Variants in KIAA1958 observed in about 807,000 individuals in gnomAD.
The protein encoded by KIAA1958 is uncharacterized protein KIAA1958.
A neutral mutation model predicts 47.2 loss-of-function variants in KIAA1958; 14 were observed. The ratio of observed to expected loss-of-function variants is 0.30; its 90% CI spans 0.20 to 0.46. The LOEUF is 0.46. Ranked by LOEUF, KIAA1958 falls within the 20% of genes least tolerant of loss-of-function variation. KIAA1958 has a pLI of 1.00. For synonymous variants in KIAA1958, 354 were observed against 353.3 expected (o/e 1.00, Z -0.02); for missense variants, 803 against 909.2 (o/e 0.88, Z 1.50).
intron 1 of KIAA1958, among the ~76,000 whole-genome samples, chr9:112,496,251 CT>C (rs1587988043): frequency 6.6e-6 from 1 of 152,166 alleles, no homozygotes; most frequent in African/African-American, 2.4e-5. Context: ...GATAAACAGT[CT>C]ACAGCTGCAT....
intron 1 of KIAA1958, among the ~76,000 whole-genome samples, chr9:112,547,900 A>G (rs997872785): frequency 5.3e-5 from 8 of 152,030 alleles, no homozygotes; most frequent in Non-Finnish European, 1.0e-4. Flanking sequence ...CTTGGGCTTC[A>G]GGACCTCTTA....
At chr9:112,600,349 C>T (rs1252962767) in intron 2 of KIAA1958, among the ~76,000 whole-genome samples, 1 of 152,158 alleles carries the variant, frequency 6.6e-6, no homozygotes, top group Non-Finnish European at 1.5e-5. Flanking sequence ...CAGGGCTGTC[C>T]TCAGGCTTGT....
At chr9:112,569,870 C>T (rs1254077288) in intron 1 of KIAA1958, among the ~76,000 whole-genome samples, 3 of 152,148 alleles carry the variant, frequency 2.0e-5, no homozygotes, top group African/African-American at 4.8e-5. Context: ...GTGATCCACC[C>T]ACTTCGGCTC....
At chr9:112,581,278 C>A (rs1835729572) in intron 2 of KIAA1958, among the ~76,000 whole-genome samples, 1 of 152,138 alleles carries the variant, frequency 6.6e-6, no homozygotes, top group South Asian at 2.1e-4. Context: ...GAGTACCTGA[C>A]ATATGATAAA....
chr9:112,642,631 G>A (rs1836910986), intron 2 of KIAA1958, among the ~76,000 whole-genome samples: 1 of 152,114 alleles, frequency 6.6e-6, no homozygotes, highest in African/African-American at 2.4e-5. Context: ...CTTAAGCTCG[G>A]GGTTTGTCCT....
At chr9:112,637,107 C>T (rs1836816542) in intron 2 of KIAA1958, among the ~76,000 whole-genome samples, 1 of 152,144 alleles carries the variant, frequency 6.6e-6, no homozygotes, top group South Asian at 2.1e-4. Context: ...CTTTTCAAAA[C>T]TAGCTTCAGT....
chr9:112,491,005 T>C (rs1453252035), intron 1 of KIAA1958, among the ~76,000 whole-genome samples: 1 of 152,250 alleles, frequency 6.6e-6, no homozygotes. Flanking sequence ...TCGCACTCTG[T>C]CACCCACGCT....
Position 112,579,207 on chromosome 9 carries a change from T to C in KIAA1958, c.1171+3956T>C, listed in dbSNP as rs577484509. Among the ~76,000 whole-genome samples, 9 of 152,236 alleles carry C rather than the reference T, an allele frequency of 5.9e-5. No homozygotes were observed. In the South Asian group the frequency reaches 1.9e-3, roughly 32 times the overall value. ...TACCATTAGCTTTTAATTTTGTTGATGACCTTTTTTAAGGTGTGAATTTTC... is the reference window on the plus strand; with the variant it reads ...TACCATTAGCTTTTAATTTTGTTGACGACCTTTTTTAAGGTGTGAATTTTC... On this transcript the variant is annotated intron_variant, in intron 2 of 3. Transcript: ENST00000337530.
rs10981437 is a variant in KIAA1958, at chr9:112,545,827, T to G, written c.-24-28230T>G. Among the ~76,000 whole-genome samples, 17 of 2,084 alleles carry G rather than the reference T, an allele frequency of 8.2e-3. 1 individual carries two copies. Among genetic ancestry groups the G allele is most frequent in the Admixed American group, 0.014 (5 of 350 alleles). The allele number at this position is 2,084 out of a possible 152,430, so 1.4% of individuals were successfully genotyped here. ...TTTAGTGATACACAGGTTTCTTTGT[T>G]TTTTTTTTTTTTTTTTTTTAGTGAA... On this transcript the variant is annotated intron_variant, in intron 1 of 3. Coordinates refer to ENST00000337530, the MANE Select transcript of KIAA1958 (RefSeq NM_133465.4).
rs1190283020 is a variant in KIAA1958, at chr9:112,618,645, C to T, written c.1172-27005C>T. On this transcript the variant is annotated intron_variant, in intron 2 of 3. Transcript: ENST00000337530. This position sits in a 1 kb window ranked among gnomAD's most constrained non-coding sequence, Gnocchi z 7.1. ...TCCATCAAGCCAGTCGTGAACCTGGCGGCTCTGCATTGGTACAACTGCCAG... is the reference window on the plus strand; with the variant it reads ...TCCATCAAGCCAGTCGTGAACCTGGTGGCTCTGCATTGGTACAACTGCCAG... 3 of 1,550,582 alleles carry T rather than the reference C, an allele frequency of 1.9e-6. No individual in the cohort carries two copies. Among genetic ancestry groups the T allele is most frequent in the Admixed American group, 2.0e-5 (1 of 50,994 alleles).
At chr9:112,626,465 A>G (rs528801156) in intron 2 of KIAA1958, among the ~76,000 whole-genome samples, 1 of 152,154 alleles carries the variant, frequency 6.6e-6, no homozygotes, top group Non-Finnish European at 1.5e-5. Flanking sequence ...TACCATTTAT[A>G]CATTCATTTC....
At chr9:112,627,186 A>G (rs896573146) in intron 2 of KIAA1958, among the ~76,000 whole-genome samples, 9 of 152,232 alleles carry the variant, frequency 5.9e-5, no homozygotes, top group Non-Finnish European at 2.9e-5. Flanking sequence ...GCTTTTCTTC[A>G]ACACTTTCCG....
chr9:112,615,419 C>A (rs866563483), intron 2 of KIAA1958, among the ~76,000 whole-genome samples: 2,257 of 101,908 alleles, frequency 0.022, no homozygotes, highest in African/African-American at 0.042. Flanking sequence ...GGCTCCGTCT[C>A]AAAAAAAAAA....
At chr9:112,535,393 C>T (rs1200929357) in intron 1 of KIAA1958, among the ~76,000 whole-genome samples, 2 of 152,108 alleles carry the variant, frequency 1.3e-5, no homozygotes, top group Non-Finnish European at 2.9e-5. Context: ...AAGATTCGTC[C>T]ATGTTGTCAC....
At chr9:112,657,122 G>C (rs1837165108) in intron 3 of KIAA1958, among the ~76,000 whole-genome samples, 3 of 151,212 alleles carry the variant, frequency 2.0e-5, no homozygotes, top group South Asian at 4.2e-4. Context: ...TTGAGATAGA[G>C]TCTTGCTCTG....
intron 2 of KIAA1958, among the ~76,000 whole-genome samples, chr9:112,611,833 CAA>C (rs1273907271): frequency 8.6e-5 from 13 of 151,990 alleles, no homozygotes; most frequent in African/African-American, 3.1e-4. Context: ...ATTATTAAGA[CAA>C]ATTTTTATTA....
At chr9:112,630,612 A>C (rs1355422533) in intron 2 of KIAA1958, among the ~76,000 whole-genome samples, 1 of 152,244 alleles carries the variant, frequency 6.6e-6, no homozygotes, top group Non-Finnish European at 1.5e-5. Context: ...CCTTTAGCAC[A>C]TATTACAGTG....
intron 1 of KIAA1958, among the ~76,000 whole-genome samples, chr9:112,520,397 T>C (rs1834517879): frequency 6.6e-6 from 1 of 152,258 alleles, no homozygotes; most frequent in Non-Finnish European, 1.5e-5. Flanking sequence ...CAGCATATGC[T>C]TGATGCTTTT....
chr9:112,600,450 G>A (rs1187034787), intron 2 of KIAA1958, among the ~76,000 whole-genome samples: 3 of 152,126 alleles, frequency 2.0e-5, no homozygotes, highest in Non-Finnish European at 4.4e-5. Context: ...TTAAAAAGTA[G>A]CATTCTTAAA....
Sources: gnomAD v4.1 joint callset for allele counts (sites outside exome capture counted in the v4.1 genomes callset) on GRCh38, gnomAD v4.1.1 for gene constraint, Gnocchi (gnomAD v3.1) non-coding constraint, MANE v1.5 for transcripts, NCBI Gene and HGNC (gene_info 2026-07-23, HGNC 2026-07-21) for gene names.